FAM227A: variants seen among roughly 807,000 people sequenced by gnomAD.
FAM227A encodes family with sequence similarity 227 member A.
A neutral mutation model predicts 74.7 loss-of-function variants in FAM227A; 80 were observed. The observed-to-expected ratio is 1.07, with a 90% CI of 0.89 to 1.29. The LOEUF is 1.29. FAM227A is among the 50% of genes most tolerant of loss of function. The pLI, the probability that FAM227A is intolerant of heterozygous loss-of-function variation, is 0.00. For missense variants in FAM227A, 654 were observed against 683.4 expected (o/e 0.96, Z 0.48); for synonymous variants, 237 against 241.8 (o/e 0.98, Z 0.19).
intron 1 of FAM227A, among the ~76,000 whole-genome samples, 196 bp from the exon 2 acceptor site, chr22:38,650,458 C>A (rs2092307528): frequency 6.6e-6 from 1 of 152,090 alleles, no homozygotes; most frequent in African/African-American, 2.4e-5. Flanking sequence ...ATGTCTGATG[C>A]CTGACTCTCC....
In FAM227A at chr22:38,583,167, T is replaced by A; in HGVS notation, c.*2958A>T. ...CTCACACGTTCTGGTTTCAGAAGAC[T>A]ATACTTTTTTTTTTTTTTTTTTGAG... On this transcript the variant is annotated 3_prime_UTR_variant, in exon 17 of 17. Coordinates refer to ENST00000535113, the MANE Select transcript of FAM227A (RefSeq NM_001013647.2). 3 of 441,664 alleles carry A rather than the reference T, an allele frequency of 6.8e-6. No homozygotes were observed. Among genetic ancestry groups the A allele is most frequent in the Non-Finnish European group, 1.2e-5 (3 of 251,986 alleles). 27.4% of individuals were successfully genotyped at this position (441,664 alleles called of 1,614,324 possible). A position where few individuals can be genotyped will look rare whatever the true frequency, so the allele number is the denominator to read the frequency against.
At chr22:38,626,891 A>AATATATAT (rs1555966997) in intron 8 of FAM227A, among the ~76,000 whole-genome samples, 58 of 57,678 alleles carry the variant, frequency 1.0e-3, no homozygotes, top group African/African-American at 3.8e-3. Flanking sequence ...AAAAAAAAAA[A>AATATATAT]ATATATATAT....
At position 38,582,422 on chromosome 22, in the gene FAM227A, A is replaced by G; in HGVS notation, c.*3703T>C. 1.3e-6 allele frequency: 2 copies of G among 1,549,394 alleles called. No homozygotes were observed. Among genetic ancestry groups the G allele is most frequent in the Non-Finnish European group, 8.7e-7 (1 of 1,146,060 alleles). On this transcript the variant is annotated 3_prime_UTR_variant, in exon 17 of 17. Transcript: ENST00000535113. ...CAACACTGGGAATGACAGAATTAGA[A>G]TATCATACAATTACTCATTTGCTTT...
intron 1 of FAM227A, among the ~76,000 whole-genome samples, chr22:38,651,835 A>G (rs2092327670): frequency 6.6e-6 from 1 of 152,068 alleles, no homozygotes; most frequent in Non-Finnish European, 1.5e-5. Flanking sequence ...AGAGTAAGAA[A>G]CCTTCTGCCC....
At chr22:38,588,640 A>G (rs1440177177) in intron 16 of FAM227A, among the ~76,000 whole-genome samples, 1 of 137,112 alleles carries the variant, frequency 7.3e-6, no homozygotes, top group East Asian at 2.2e-4. Flanking sequence ...AAAAAAAAAA[A>G]TGCTGGGCGC....
intron 15 of FAM227A, among the ~76,000 whole-genome samples, 152 bp downstream of exon 15, chr22:38,597,052 G>C (rs1249071784): frequency 6.6e-6 from 1 of 152,072 alleles, no homozygotes; most frequent in Non-Finnish European, 1.5e-5. Flanking sequence ...TCTGTTATTA[G>C]GAGTTTATAA....
chr22:38,621,349 C>CA (rs35716573), intron 10 of FAM227A, among the ~76,000 whole-genome samples: 32,690 of 78,654 alleles, frequency 0.42, 4,686 homozygotes, highest in East Asian at 0.48. Flanking sequence ...GACTCTGTCT[C>CA]AAAAAAAAAA....
chr22:38,643,315 CAAA>C (rs71326719), intron 3 of FAM227A, among the ~76,000 whole-genome samples: 2 of 127,330 alleles, frequency 1.6e-5, no homozygotes, highest in South Asian at 5.1e-4. Flanking sequence ...GATTCTGTCT[CAAA>C]AAAAAAAAAA....
chr22:38,623,154 C>T lies in FAM227A; in HGVS notation c.958+18G>A. 1.7e-5 allele frequency: 25 copies of T among 1,513,102 alleles called. No individual in the cohort carries two copies. Among genetic ancestry groups the T allele is most frequent in the Non-Finnish European group, 2.2e-5 (25 of 1,111,902 alleles). 93.7% of individuals were successfully genotyped at this position (1,513,102 alleles called of 1,614,324 possible). A position where few individuals can be genotyped will look rare whatever the true frequency, so the allele number is the denominator to read the frequency against. Reference sequence around the variant, plus strand: ...TGGCAGTGGCAAAGAAGGCGGGAGGCTGTACCTGCTATCTTACCCTTTGTC... The same window carrying T: ...TGGCAGTGGCAAAGAAGGCGGGAGGTTGTACCTGCTATCTTACCCTTTGTC... On this transcript the variant is annotated intron_variant, in intron 10 of 16. Coordinates refer to ENST00000535113, the MANE Select transcript of FAM227A (RefSeq NM_001013647.2).
intron 12 of FAM227A, 132 bp from the exon 13 acceptor site, chr22:38,605,480 G>A (rs2091264831): frequency 3.2e-6 from 2 of 615,400 alleles, no homozygotes; most frequent in South Asian, 1.9e-5. Context: ...AGTAGAAACG[G>A]GGTTTCGCCA....
intron 13 of FAM227A, among the ~76,000 whole-genome samples, chr22:38,604,388 G>A (rs1210412263): frequency 6.6e-6 from 1 of 152,072 alleles, no homozygotes; most frequent in African/African-American, 2.4e-5. Context: ...CAAATTCTAT[G>A]GCCGACTCCC....
intron 2 of FAM227A, among the ~76,000 whole-genome samples, chr22:38,649,565 C>CAAAA (rs1163806396): frequency 7.7e-6 from 1 of 129,690 alleles, no homozygotes; most frequent in African/African-American, 2.8e-5. Context: ...GACTCTGTCT[C>CAAAA]AAAAAAAAAA....
rs1329583730 is a variant in FAM227A at position 38,591,548 on chromosome 22, G to A, written c.1533-8C>T. 2 of 1,533,466 alleles carry A rather than the reference G, an allele frequency of 1.3e-6. No individual in the cohort carries two copies. Among genetic ancestry groups the A allele is most frequent in the East Asian group, 2.5e-5 (1 of 40,454 alleles). The allele number at this position is 1,533,466 out of a possible 1,614,324, so 95.0% of individuals were successfully genotyped here. ...TCAATATTCTTCATTTCCCTGGGAG[G>A]AAAACACAGAGACATATGGAAAAAG... On this transcript the variant is annotated splice_polypyrimidine_tract_variant and splice_region_variant and intron_variant, in intron 15 of 16. Transcript: ENST00000535113.
In FAM227A at chr22:38,646,248, C is replaced by CTTTTTTTTTTTT. The variant is rs1165890437; in HGVS notation, c.143-615_143-604dup. 1.3e-4 allele frequency among the ~76,000 whole-genome samples: 11 copies of CTTTTTTTTTTTT among 82,396 alleles called. 1 individual carries two copies. The highest frequency in any genetic ancestry group is 2.6e-4 in the African/African-American group (5 of 19,026). The allele number at this position is 82,396 out of a possible 152,430, so 54.1% of individuals were successfully genotyped here. Reference sequence around the variant, plus strand: ...CTTGGGAATTTTCCTTCCAGTATTTCTTTTTTTTTTTTTTTTTTTTTTTTT... The same window carrying CTTTTTTTTTTTT: ...CTTGGGAATTTTCCTTCCAGTATTTCTTTTTTTTTTTTTTTTTTTTTTTTTTTTTTTTTTTTT... On this transcript the variant is annotated intron_variant, in intron 2 of 16. Coordinates refer to ENST00000535113, the MANE Select transcript of FAM227A (RefSeq NM_001013647.2).
intron 10 of FAM227A, among the ~76,000 whole-genome samples, chr22:38,621,372 A>T (rs2091687289): frequency 6.6e-6 from 1 of 150,630 alleles, no homozygotes; most frequent in African/African-American, 2.4e-5. Flanking sequence ...AAGAAAGAAA[A>T]GAAAAGAAAA....
intron 15 of FAM227A, among the ~76,000 whole-genome samples, 195 bp downstream of exon 15, chr22:38,597,008 GA>G (rs35623128): frequency 5.4e-5 from 8 of 148,112 alleles, no homozygotes; most frequent in African/African-American, 1.2e-4. Flanking sequence ...TTTGTAGTTA[GA>G]AAAAAAAAAT....
chr22:38,648,447 A>C (rs2092275327), intron 2 of FAM227A, among the ~76,000 whole-genome samples: 1 of 151,208 alleles, frequency 6.6e-6, no homozygotes, highest in Non-Finnish European at 1.5e-5. Flanking sequence ...GTCTCTTCTA[A>C]AAATACAAAA....
Position 38,582,733 on chromosome 22 carries a change from G to T in FAM227A, c.*3392C>A. 8.0e-7 allele frequency: 1 copy of T among 1,247,208 alleles called. No homozygotes were observed. Among genetic ancestry groups the T allele is most frequent in the South Asian group, 1.4e-5 (1 of 71,126 alleles). 77.3% of individuals were successfully genotyped at this position (1,247,208 alleles called of 1,614,324 possible). A position where few individuals can be genotyped will look rare whatever the true frequency, so the allele number is the denominator to read the frequency against. ...GCTTAGAAAATAAGGAGACCTTCTT[G>T]CTGTATGGGGGCTAATAGTAGCGGT... On this transcript the variant is annotated 3_prime_UTR_variant, in exon 17 of 17. Transcript: ENST00000535113.
intron 3 of FAM227A, among the ~76,000 whole-genome samples, chr22:38,644,421 CACA>C (rs1432098059): frequency 4.3e-4 from 62 of 144,784 alleles, no homozygotes; most frequent in African/African-American, 1.3e-3. Context: ...ACAGGTGGAG[CACA>C]GAGGACTGTT....
Sources: allele counts gnomAD v4.1 joint callset (sites outside exome capture counted in the v4.1 genomes callset), GRCh38; gene constraint gnomAD v4.1.1; transcripts MANE v1.5; gene names NCBI Gene and HGNC (gene_info 2026-07-23, HGNC 2026-07-21).